Variants in GAB1 observed in about 807,000 individuals in gnomAD.
GAB1 encodes GRB2-associated-binding protein 1.
A neutral mutation model predicts 66.5 loss-of-function variants in GAB1; 19 were observed. That is an observed-to-expected ratio of 0.29 (90% CI 0.20 to 0.42). The LOEUF (loss-of-function observed/expected upper bound fraction) is 0.42, where lower values mean the gene tolerates loss of function less well. GAB1 is among the 10% of genes least tolerant of loss of function. The pLI, the probability that GAB1 is intolerant of heterozygous loss-of-function variation, is 1.00. For synonymous variants in GAB1, 294 were observed against 301.4 expected (o/e 0.98, Z 0.25); for missense variants, 732 against 858.5 (o/e 0.85, Z 1.84).
At chr4:143,454,559 G>A (rs28987969) in intron 6 of GAB1, among the ~76,000 whole-genome samples, 2,053 of 152,302 alleles carry the variant, frequency 0.013, 51 homozygotes, top group South Asian at 0.11. Context: ...GGTGAATGAT[G>A]GTGGTAGGTA....
chr4:143,420,091 G>A (rs1276347725), intron 2 of GAB1, among the ~76,000 whole-genome samples: 1 of 151,970 alleles, frequency 6.6e-6, no homozygotes, highest in African/African-American at 2.4e-5. Flanking sequence ...ATTCTCTTGT[G>A]TCCAAATAGA....
rs574211404 is a variant in GAB1 at position 143,416,689 on chromosome 4, G to A, written c.367+918G>A. ...CCCAGGAGGCTGAGGCAGGAGAATC[G>A]CTTGAACCCAGGAGGCGGAGGCTAC... On this transcript the variant is annotated intron_variant, in intron 2 of 9. Coordinates refer to ENST00000262994, the MANE Select transcript of GAB1 (RefSeq NM_002039.4). Among the ~76,000 whole-genome samples the A allele has an allele frequency of 5.9e-5, 9 of 152,050 alleles. No homozygotes were observed. The South Asian group carries it at 1.5e-3, about 25-fold the overall frequency.
chr4:143,426,390 A>G (rs986977275), intron 2 of GAB1, among the ~76,000 whole-genome samples: 4 of 152,126 alleles, frequency 2.6e-5, no homozygotes, highest in African/African-American at 9.7e-5. Flanking sequence ...TCTCAACAAA[A>G]AGTTTAAAAA....
intron 1 of GAB1, among the ~76,000 whole-genome samples, chr4:143,376,084 G>A (rs1345878019): frequency 2.6e-5 from 4 of 151,718 alleles, no homozygotes; most frequent in Admixed American, 1.3e-4. Flanking sequence ...AGAACTCCTC[G>A]CCCCACACCA....
intron 1 of GAB1, 78 bp downstream of exon 1, chr4:143,337,338 C>A: frequency 1.6e-6 from 2 of 1,248,678 alleles, no homozygotes; most frequent in Non-Finnish European, 2.3e-6. Flanking sequence ...GCGGCTGCAG[C>A]TGGCCGCGCG....
chr4:143,358,515 G>A (rs141279326), intron 1 of GAB1, among the ~76,000 whole-genome samples: 52 of 152,240 alleles, frequency 3.4e-4, no homozygotes, highest in African/African-American at 8.2e-4. Flanking sequence ...CGTGATATGC[G>A]TTCAACATCT....
chr4:143,439,777 G>T, intron 4 of GAB1, 25 bp from the exon 5 acceptor site: 1 of 1,538,080 alleles, frequency 6.5e-7, no homozygotes, highest in Non-Finnish European at 9.0e-7. Context: ...GGGAATAAAT[G>T]TTGATAGTTT....
chr4:143,374,811 T>C (rs73853824), intron 1 of GAB1, among the ~76,000 whole-genome samples: 3,161 of 152,344 alleles, frequency 0.021, 105 homozygotes, highest in African/African-American at 0.072. Flanking sequence ...TCTCAAAGTA[T>C]TCTAGGAAGC....
At chr4:143,421,702 T>TTTC (rs1553951400) in intron 2 of GAB1, among the ~76,000 whole-genome samples, 1 of 128,072 alleles carries the variant, frequency 7.8e-6, no homozygotes, top group Non-Finnish European at 1.5e-5. Context: ...TCTTTTCTTT[T>TTTC]TTTTTTTTTT....
rs1205318509 is a variant in GAB1 at position 143,337,297 on chromosome 4, G to C, written c.72+37G>C. 2.6e-6 allele frequency: 4 copies of C among 1,531,396 alleles called. No homozygotes were observed. In the Admixed American group the frequency reaches 5.9e-5, roughly 22 times the overall value. The allele number at this position is 1,531,396 out of a possible 1,614,324, so 94.9% of individuals were successfully genotyped here. A position where few individuals can be genotyped will look rare whatever the true frequency, so the allele number is the denominator to read the frequency against. On this transcript the variant is annotated intron_variant, in intron 1 of 9. Coordinates refer to ENST00000262994, the MANE Select transcript of GAB1 (RefSeq NM_002039.4). ...TGCGGGCACCACTCCGCGGGCCTCGGCGTCCACACCCCTCCCCAGTCGGCT... is the reference window on the plus strand; with the variant it reads ...TGCGGGCACCACTCCGCGGGCCTCGCCGTCCACACCCCTCCCCAGTCGGCT...
At chr4:143,337,548 T>C (rs1000075588) in intron 1 of GAB1, among the ~76,000 whole-genome samples, 13 of 152,204 alleles carry the variant, frequency 8.5e-5, no homozygotes, top group African/African-American at 3.1e-4. Flanking sequence ...AAACTCCTGC[T>C]GCATGCTTTT....
At chr4:143,392,114 G>C (rs1426112267) in intron 1 of GAB1, among the ~76,000 whole-genome samples, 1 of 152,138 alleles carries the variant, frequency 6.6e-6, no homozygotes, top group Non-Finnish European at 1.5e-5. Context: ...TAAAGAGGAG[G>C]CATCTGTTTT....
intron 1 of GAB1, among the ~76,000 whole-genome samples, chr4:143,387,916 C>A (rs1730993593): frequency 6.6e-6 from 1 of 152,160 alleles, no homozygotes; most frequent in South Asian, 2.1e-4. Flanking sequence ...CTGCGCTGTA[C>A]TTTGCCACCA....
At chr4:143,354,124 A>T (rs2149650902) in intron 1 of GAB1, among the ~76,000 whole-genome samples, 1 of 152,312 alleles carries the variant, frequency 6.6e-6, no homozygotes, top group African/African-American at 2.4e-5. Flanking sequence ...AAGGAAGGCT[A>T]GACTCCTGTG....
chr4:143,452,924 ATTC>A (rs1735000441), intron 6 of GAB1, among the ~76,000 whole-genome samples: 1 of 152,180 alleles, frequency 6.6e-6, no homozygotes, highest in Non-Finnish European at 1.5e-5. Flanking sequence ...TTGCTTTAGT[ATTC>A]TTATGTCTTA....
At chr4:143,339,936 G>T (rs1470972426) in intron 1 of GAB1, among the ~76,000 whole-genome samples, 2 of 152,200 alleles carry the variant, frequency 1.3e-5, no homozygotes, top group Non-Finnish European at 2.9e-5. Context: ...CACGAATAAA[G>T]TAGATGGAGA....
intron 1 of GAB1, among the ~76,000 whole-genome samples, chr4:143,400,709 T>G (rs1289564935): frequency 6.6e-6 from 1 of 152,238 alleles, no homozygotes; most frequent in Non-Finnish European, 1.5e-5. Context: ...GGCTCACGTC[T>G]GTAATCCCAG....
Position 143,373,044 on chromosome 4 carries a change from A to ACAC in GAB1, c.72+35784_72+35785insCAC, listed in dbSNP as rs1560725364. 5.9e-3 allele frequency among the ~76,000 whole-genome samples: 879 copies of ACAC among 148,254 alleles called. 4 individuals are homozygous for ACAC. The highest frequency in any genetic ancestry group is 0.021 in the Middle Eastern group (6 of 284). ...ATCTGAGGATTGAATTTCCTTTAAA[A>ACAC]ACACACACACACACACACACACACA... On this transcript the variant is annotated intron_variant, in intron 1 of 9. Coordinates refer to ENST00000262994, the MANE Select transcript of GAB1 (RefSeq NM_002039.4).
intron 1 of GAB1, among the ~76,000 whole-genome samples, chr4:143,342,746 A>C (rs2149641394): frequency 6.6e-6 from 1 of 151,456 alleles, no homozygotes; most frequent in South Asian, 2.1e-4. Context: ...TATTTTTAGT[A>C]GAGATGGGGT....
Sources: allele counts gnomAD v4.1 joint callset (sites outside exome capture counted in the v4.1 genomes callset), GRCh38; gene constraint gnomAD v4.1.1; transcripts MANE v1.5; gene names NCBI Gene and HGNC (gene_info 2026-07-23, HGNC 2026-07-21).